The following KIF18A variants were observed in gnomAD, a reference collection of about 807,000 sequenced individuals.
The protein encoded by KIF18A is kinesin family member 18A, also known as kinesin-like protein KIF18A.
KIF18A carries 67 observed loss-of-function variants against 103.3 expected under a neutral mutation model. The observed-to-expected ratio is 0.65, with a 90% CI of 0.53 to 0.79. The LOEUF (loss-of-function observed/expected upper bound fraction) is 0.79. Ranked by LOEUF, KIF18A falls within the 30% of genes least tolerant of loss-of-function variation. KIF18A has a pLI of 0.00. For synonymous variants in KIF18A, 367 were observed against 355.5 expected, an observed-to-expected ratio of 1.03 and a Z score of -0.36; for missense variants, 1,032 against 1,062.5, an observed-to-expected ratio of 0.97 and a Z score of 0.40.
chr11:28,077,211 T>A, intron 9 of KIF18A, 42 bp from the exon 10 acceptor site: 2 of 1,383,324 alleles, frequency 1.4e-6, no homozygotes, highest in Non-Finnish European at 2.0e-6. Context: ...ACTAATTTTG[T>A]AGCAAATCAT....
At position 28,036,354 on chromosome 11, in the gene KIF18A, G is replaced by A. The variant is rs777764444; in HGVS notation, c.2259C>T (p.Ile753=). 11 of 1,610,966 alleles carry A rather than the reference G, an allele frequency of 6.8e-6. No individual in the cohort carries two copies. The African/African-American group carries it at 1.2e-4, about 18-fold the overall frequency. Residue 753 remains isoleucine, a synonymous_variant, in exon 14 of 17, where the codon ATC becomes ATT. Coordinates refer to ENST00000263181, the MANE Select transcript of KIF18A (RefSeq NM_031217.4). ...CACATTCTTTTCTTCTATTATGAGG[G>A]ATAGCTACTTCACACAACATTTTCA... ...NCLKMLCEVA[I]PHNRRKECGQ... is the part of the protein sequence containing the mutation.
At chr11:28,084,490 A>G in intron 7 of KIF18A, 142 bp downstream of exon 7, 3 of 451,574 alleles carry the variant, frequency 6.6e-6, no homozygotes, top group Non-Finnish European at 1.2e-5. Flanking sequence ...TGTTCGACTA[A>G]GCAGGTTAGC....
At position 28,097,603 on chromosome 11, in the gene KIF18A, T is replaced by C; in HGVS notation, c.325+20A>G. 1 of 1,467,352 alleles carries C rather than the reference T, an allele frequency of 6.8e-7. No homozygotes were observed. The highest frequency in any genetic ancestry group is 9.6e-7 in the Non-Finnish European group (1 of 1,047,042). 90.9% of individuals were successfully genotyped at this position (1,467,352 alleles called of 1,614,324 possible). A position where few individuals can be genotyped will look rare whatever the true frequency, so the allele number is the denominator to read the frequency against. On this transcript the variant is annotated intron_variant, in intron 2 of 16. Transcript: ENST00000263181. ...AGTGAAATCGGATAGAGAAATTAAA[T>C]CCCAAATTGAAACAAATACCTGTGC... is the stretch of plus-strand genomic sequence containing the variant.
In KIF18A at chr11:28,021,063, C is replaced by A; in HGVS notation, c.*137G>T. 2 of 744,520 alleles carry A rather than the reference C, an allele frequency of 2.7e-6. No individual in the cohort carries two copies. The highest frequency in any genetic ancestry group is 5.4e-5 in the South Asian group (1 of 18,590). 46.1% of individuals were successfully genotyped at this position (744,520 alleles called of 1,614,324 possible). A position where few individuals can be genotyped will look rare whatever the true frequency, so the allele number is the denominator to read the frequency against. ...GAAAACAAAGAGTTTCATTTTTCTG[C>A]TTGCTGAAAGTACTTGGGTAAACTT... On this transcript the variant is annotated 3_prime_UTR_variant, in exon 17 of 17. Transcript: ENST00000263181.
chr11:28,074,578 T>C (rs1346501656), intron 10 of KIF18A, among the ~76,000 whole-genome samples: 3 of 152,188 alleles, frequency 2.0e-5, no homozygotes, highest in Non-Finnish European at 2.9e-5. Context: ...ACTGACAAAC[T>C]GGTATCAATG....
At position 28,065,881 on chromosome 11, in the gene KIF18A, C is replaced by T. The variant is rs956577152; in HGVS notation, c.1591-3365G>A. Among the ~76,000 whole-genome samples, 4 of 151,956 alleles carry T rather than the reference C, an allele frequency of 2.6e-5. No homozygotes were observed. In the East Asian group the frequency reaches 7.7e-4, roughly 29 times the overall value. On this transcript the variant is annotated intron_variant, in intron 11 of 16. Coordinates refer to ENST00000263181, the MANE Select transcript of KIF18A (RefSeq NM_031217.4). ...AGCAATATCATTTAAAACTTATATA[C>T]ACAAACATATTTAAAATTTTTAATG... is the stretch of plus-strand genomic sequence containing the variant.
chr11:28,084,820 A>C lies in KIF18A; in HGVS notation c.898-12T>G. Reference sequence around the variant, plus strand: ...TGCTGATTCTTTCTCTGAAAGCACAAAAAAGAGATCTTATGTCATTTTCCA... The same window carrying C: ...TGCTGATTCTTTCTCTGAAAGCACACAAAAGAGATCTTATGTCATTTTCCA... On this transcript the variant is annotated splice_polypyrimidine_tract_variant and intron_variant, in intron 6 of 16. Coordinates refer to ENST00000263181, the MANE Select transcript of KIF18A (RefSeq NM_031217.4). The C allele has an allele frequency of 1.2e-6, 2 of 1,603,142 alleles. No individual in the cohort carries two copies. Among genetic ancestry groups the C allele is most frequent in the Non-Finnish European group, 1.7e-6 (2 of 1,172,298 alleles).
chr11:28,032,102 A>C (rs1038243491), intron 15 of KIF18A, among the ~76,000 whole-genome samples: 3 of 125,372 alleles, frequency 2.4e-5, no homozygotes, highest in Non-Finnish European at 4.9e-5. Flanking sequence ...CACTGAAATA[A>C]TTTGAAAAAA....
intron 10 of KIF18A, among the ~76,000 whole-genome samples, chr11:28,073,459 T>A (rs1208714066): frequency 6.6e-6 from 1 of 152,264 alleles, no homozygotes; most frequent in Non-Finnish European, 1.5e-5. Context: ...GTACTTAGAA[T>A]ATAGCAGAGT....
intron 12 of KIF18A, among the ~76,000 whole-genome samples, chr11:28,059,875 AC>A: frequency 6.6e-6 from 1 of 152,254 alleles, no homozygotes; most frequent in South Asian, 2.1e-4. Flanking sequence ...TTTTAGGTAT[AC>A]AACATTAAAA....
chr11:28,064,315 T>C (rs1850890634), intron 11 of KIF18A, among the ~76,000 whole-genome samples: 1 of 152,006 alleles, frequency 6.6e-6, no homozygotes, highest in Non-Finnish European at 1.5e-5. Flanking sequence ...GCCAAATATA[T>C]GCCCTTTATG....
At chr11:28,048,998 A>G (rs1342052204) in intron 13 of KIF18A, among the ~76,000 whole-genome samples, 1 of 151,968 alleles carries the variant, frequency 6.6e-6, no homozygotes. Context: ...AAAGCCTTTG[A>G]AGACTCTTCT....
chr11:28,031,873 C>T (rs1850414717), intron 15 of KIF18A, among the ~76,000 whole-genome samples: 1 of 151,586 alleles, frequency 6.6e-6, no homozygotes, highest in African/African-American at 2.4e-5. Context: ...ACTGGAAGTC[C>T]TAAGTAGAGC....
At chr11:28,101,593 T>C (rs1187917634) in intron 1 of KIF18A, among the ~76,000 whole-genome samples, 1 of 152,164 alleles carries the variant, frequency 6.6e-6, no homozygotes, top group East Asian at 1.9e-4. Context: ...CTAACAACAG[T>C]ACCTATCTCA....
chr11:28,083,691 C>T (rs1851193701), intron 7 of KIF18A, among the ~76,000 whole-genome samples: 1 of 152,206 alleles, frequency 6.6e-6, no homozygotes, highest in African/African-American at 2.4e-5. Flanking sequence ...ACCTTGCCTA[C>T]TTCTCACTTA....
intron 13 of KIF18A, among the ~76,000 whole-genome samples, chr11:28,037,613 A>C (rs1460779405): frequency 6.6e-6 from 1 of 151,556 alleles, no homozygotes; most frequent in Admixed American, 6.6e-5. Context: ...TAGTCAATTA[A>C]GCATTCTAGT....
At chr11:28,071,374 G>A (rs1454785633) in intron 10 of KIF18A, among the ~76,000 whole-genome samples, 3 of 151,366 alleles carry the variant, frequency 2.0e-5, no homozygotes, top group East Asian at 3.9e-4. Context: ...GTAAAACAAC[G>A]CCACTCTTCT....
intron 13 of KIF18A, among the ~76,000 whole-genome samples, chr11:28,042,291 T>C (rs1850570341): frequency 6.6e-6 from 1 of 151,778 alleles, no homozygotes; most frequent in Admixed American, 6.6e-5. Flanking sequence ...ATGGGTAAGA[T>C]TTAAGTTGGT....
intron 2 of KIF18A, among the ~76,000 whole-genome samples, chr11:28,095,921 G>T (rs1851363243): frequency 6.6e-6 from 1 of 151,166 alleles, no homozygotes; most frequent in East Asian, 2.0e-4. Context: ...TAAGATGGGA[G>T]GATTGCTTAA....
Sources: allele counts gnomAD v4.1 joint callset (sites outside exome capture counted in the v4.1 genomes callset), GRCh38; gene constraint gnomAD v4.1.1; transcripts MANE v1.5; gene names NCBI Gene and HGNC (gene_info 2026-07-23, HGNC 2026-07-21).